The following SLC68A1 variants were observed in gnomAD, a reference collection of about 807,000 sequenced individuals.
SLC68A1 encodes the protein major facilitator superfamily domain containing 13A.
the SLC68A1 span, chr10:102,474,159 C>T: frequency 2.6e-5 from 19 of 736,798 alleles, no homozygotes; most frequent in African/African-American, 2.3e-4. Context: ...ACTGGGTCAC[C>T]GATTCCGCCA....
chr10:102,476,027 C>G, the SLC68A1 span: 1 of 1,291,066 alleles, frequency 7.7e-7, no homozygotes, highest in African/African-American at 1.6e-5. Flanking sequence ...TGCTGGCAGC[C>G]TGGGGAAGGA....
the SLC68A1 span, chr10:102,471,478 G>C: frequency 2.6e-6 from 4 of 1,550,866 alleles, no homozygotes; most frequent in Non-Finnish European, 2.6e-6. Context: ...CTGGGAACTT[G>C]GCCACGCATG....
the SLC68A1 span, chr10:102,476,489 G>C: frequency 1.0e-6 from 1 of 985,560 alleles, no homozygotes; most frequent in African/African-American, 1.7e-5. Flanking sequence ...ACAGGCATGA[G>C]CCACCGCACT....
chr10:102,476,054 T>TG, the SLC68A1 span: 1 of 1,323,274 alleles, frequency 7.6e-7, no homozygotes, highest in Non-Finnish European at 9.7e-7. Flanking sequence ...TTTTTTTGGT[T>TG]TTTTTTTTAA....
chr10:102,466,933 A>G, the SLC68A1 span, among the ~76,000 whole-genome samples: 17 of 152,242 alleles, frequency 1.1e-4, no homozygotes, highest in African/African-American at 4.1e-4. Flanking sequence ...TTCCCACCTC[A>G]GCCCTGTGTG....
chr10:102,467,090 T>C, the SLC68A1 span, among the ~76,000 whole-genome samples: 1 of 152,246 alleles, frequency 6.6e-6, no homozygotes, highest in Non-Finnish European at 1.5e-5. Flanking sequence ...CAGGCTGAAG[T>C]GTAGTGGCAT....
the SLC68A1 span, among the ~76,000 whole-genome samples, chr10:102,463,125 G>A: frequency 6.6e-6 from 1 of 151,722 alleles, no homozygotes; most frequent in Non-Finnish European, 1.5e-5. Flanking sequence ...GGAGCCTGGT[G>A]GAGGCAAAGG....
the SLC68A1 span, chr10:102,476,196 T>C: frequency 1.2e-5 from 10 of 841,334 alleles, no homozygotes; most frequent in Non-Finnish European, 1.7e-5. Flanking sequence ...GCCTCCCGAG[T>C]AGGTGGGATT....
the SLC68A1 span, chr10:102,476,083 T>C: frequency 7.7e-7 from 1 of 1,297,562 alleles, no homozygotes; most frequent in Non-Finnish European, 9.8e-7. Context: ...TAGTTTTTTT[T>C]TTTTTTTTTT....
At chr10:102,470,991 G>T in the SLC68A1 span, 2 of 1,613,154 alleles carry the variant, frequency 1.2e-6, no homozygotes, top group East Asian at 4.5e-5. Flanking sequence ...TCCTCCTTCC[G>T]CGCTTTCTGC....
the SLC68A1 span, among the ~76,000 whole-genome samples, chr10:102,470,486 TACCCACTG>T: frequency 2.0e-5 from 3 of 152,178 alleles, no homozygotes; most frequent in African/African-American, 7.2e-5. Context: ...GAGGAGAGTG[TACCCACTG>T]GTGAGTTGTG....
At chr10:102,475,808 GC>G in the SLC68A1 span, 2 of 1,613,910 alleles carry the variant, frequency 1.2e-6, no homozygotes, top group Non-Finnish European at 8.5e-7. Flanking sequence ...CCCTGCACAG[GC>G]CCCGACGCTC....
the SLC68A1 span, among the ~76,000 whole-genome samples, chr10:102,474,333 C>G: frequency 0.52 from 78,402 of 151,470 alleles, 20,585 homozygotes; most frequent in Middle Eastern, 0.63. Context: ...CTGGGGTTGG[C>G]AATAAACATC....
chr10:102,470,019 CA>C, the SLC68A1 span: 1 of 1,614,076 alleles, frequency 6.2e-7, no homozygotes, highest in Non-Finnish European at 8.5e-7. Context: ...GGAACAGCCT[CA>C]ATGACCCCCT....
chr10:102,469,233 G>A, the SLC68A1 span: 1 of 1,610,308 alleles, frequency 6.2e-7, no homozygotes. Flanking sequence ...ATGGAGGAGG[G>A]GGTGGGGTGG....
chr10:102,466,294 G>C, the SLC68A1 span, among the ~76,000 whole-genome samples: 1 of 151,920 alleles, frequency 6.6e-6, no homozygotes, highest in African/African-American at 2.4e-5. Context: ...GACCAGCCTG[G>C]GCAACATGGT....
At chr10:102,476,674 C>T in the SLC68A1 span, 57 of 986,088 alleles carry the variant, frequency 5.8e-5, no homozygotes, top group African/African-American at 7.0e-5. Flanking sequence ...TGCTCAGGGA[C>T]GTGCTTCTCT....
chr10:102,470,819 G>A, the SLC68A1 span: 2 of 1,613,820 alleles, frequency 1.2e-6, no homozygotes, highest in South Asian at 1.1e-5. Context: ...CCTCTATGAT[G>A]GCTTCCTGAC....
the SLC68A1 span, chr10:102,471,069 A>T: frequency 6.2e-7 from 1 of 1,613,822 alleles, no homozygotes; most frequent in Non-Finnish European, 8.5e-7. Context: ...CGGCGGGTTG[A>T]GGCGGCCCGA....
Sources: allele counts gnomAD v4.1 joint callset (sites outside exome capture counted in the v4.1 genomes callset), GRCh38; gene constraint gnomAD v4.1.1; transcripts MANE v1.5; gene names NCBI Gene and HGNC (gene_info 2026-07-23, HGNC 2026-07-21).